KIF18B: variants seen among roughly 807,000 people sequenced by gnomAD.
KIF18B encodes the protein kinesin-like protein KIF18B.
KIF18B carries 49 observed loss-of-function variants against 80.9 expected under a neutral mutation model. The ratio of observed to expected loss-of-function variants is 0.61; its 90% CI spans 0.48 to 0.77. The LOEUF (loss-of-function observed/expected upper bound fraction) is 0.77. KIF18B is among the 30% of genes least tolerant of loss of function. KIF18B has a pLI of 0.00. For synonymous variants in KIF18B, 439 were observed against 463.9 expected (o/e 0.95, Z 0.69); for missense variants, 994 against 1,127.7 (o/e 0.88, Z 1.70).
At chr17:44,943,202 C>G (rs2052450811) in intron 1 of KIF18B, among the ~76,000 whole-genome samples, 2 of 152,074 alleles carry the variant, frequency 1.3e-5, no homozygotes, top group African/African-American at 2.4e-5. Context: ...TGGGTTCATG[C>G]CATTCTCCTG....
intron 7 of KIF18B, 73 bp downstream of exon 7, chr17:44,933,850 G>A (rs2052213284): frequency 1.4e-6 from 2 of 1,399,692 alleles, no homozygotes. Context: ...TATTGGAGCT[G>A]CCTGGGTCCC....
intron 9 of KIF18B, 162 bp downstream of exon 9, chr17:44,932,511 G>A (rs1034929048): frequency 1.6e-6 from 1 of 620,326 alleles, no homozygotes; most frequent in Non-Finnish European, 2.9e-6. Context: ...CAGCACTCTA[G>A]GTGACAGTCA....
At chr17:44,929,920 A>T (rs1376935754) in intron 11 of KIF18B, among the ~76,000 whole-genome samples, 1 of 152,220 alleles carries the variant, frequency 6.6e-6, no homozygotes, top group Non-Finnish European at 1.5e-5. Context: ...CTAATAAAGC[A>T]TATTTTCTTT....
chr17:44,936,407 C>G (rs1221583903), intron 1 of KIF18B, 49 bp from the exon 2 acceptor site: 8 of 1,508,828 alleles, frequency 5.3e-6, no homozygotes, highest in African/African-American at 2.8e-5. Context: ...CCAGGCCTGA[C>G]CAGGTGCCCC....
intron 11 of KIF18B, among the ~76,000 whole-genome samples, chr17:44,931,108 G>T (rs1386412097): frequency 1.3e-5 from 2 of 152,162 alleles, no homozygotes; most frequent in Admixed American, 6.5e-5. Context: ...TAGAAAGAAT[G>T]GTCCAAAATC....
chr17:44,928,451 T>G lies in KIF18B; in HGVS notation c.1851A>C (p.Pro617=). The G allele has an allele frequency of 6.5e-7, 1 of 1,536,564 alleles. No individual in the cohort carries two copies. The highest frequency in any genetic ancestry group is 8.7e-7 in the Non-Finnish European group (1 of 1,146,394). ...CCATGGGCCATCGGGACCCCTGGGC[T>G]GGGGTGCAGTTGGGTCCAGGCGGGA... ...LGIPPGPNCT[P]AQGSRWPMEK... The change falls in exon 13 of 16, where the codon CCA becomes CCC. Residue 617 remains proline, a synonymous_variant. Transcript: ENST00000593135.
Position 44,934,622 on chromosome 17 carries a change from AGAG to A in KIF18B, c.577-8_577-6del, listed in dbSNP as rs752872702. 7 of 1,596,164 alleles carry A rather than the reference AGAG, an allele frequency of 4.4e-6. No homozygotes were observed. The highest frequency in any genetic ancestry group is 2.3e-5 in the South Asian group (2 of 88,132). ...CAGCTGCTCGGCTGAGGCTGGCTAC[AGAG>A]GAGAAGCCCAGGAACGGGGCTGTGG... On this transcript the variant is annotated splice_region_variant and splice_polypyrimidine_tract_variant and intron_variant, in intron 4 of 15. Coordinates refer to ENST00000593135, the MANE Select transcript of KIF18B (RefSeq NM_001265577.2). The surrounding 1 kb of genome is among the most constrained non-coding windows in gnomAD (Gnocchi z 5.4).
At position 44,927,027 on chromosome 17, in the gene KIF18B, G is replaced by C. The variant is rs369308846; in HGVS notation, c.2328C>G (p.Leu776=). ...TMKGPKPTSS[L]PGTSACKKKR... ...TCTTCTTGCAGGCAGAGGTCCCAGGGAGGGAAGATGTTGGCTTGGGGCCCT... is the reference window on the plus strand; with the variant it reads ...TCTTCTTGCAGGCAGAGGTCCCAGGCAGGGAAGATGTTGGCTTGGGGCCCT... The change falls in exon 14 of 16, where the codon CTC becomes CTG. Residue 776 remains leucine (L), a synonymous_variant. Transcript: ENST00000593135. The surrounding 1 kb of genome is among the most constrained non-coding windows in gnomAD (Gnocchi z 4.1). 6.2e-7 allele frequency: 1 copy of C among 1,612,776 alleles called. No homozygotes were observed. Among genetic ancestry groups the C allele is most frequent in the African/African-American group, 1.3e-5 (1 of 74,918 alleles).
intron 1 of KIF18B, among the ~76,000 whole-genome samples, chr17:44,945,385 T>A (rs1043722309): frequency 2.0e-5 from 3 of 152,206 alleles, no homozygotes; most frequent in Non-Finnish European, 2.9e-5. Context: ...ATTCTACATA[T>A]GTTCTCTGCT....
At position 44,924,826 on chromosome 17, in the gene KIF18B, G is replaced by A. The variant is rs989467767; in HGVS notation, c.*1254C>T. On this transcript the variant is annotated 3_prime_UTR_variant, in exon 16 of 16. Coordinates refer to ENST00000593135, the MANE Select transcript of KIF18B (RefSeq NM_001265577.2). ...AAGTATCATTAGCATTTATATCTAG[G>A]TGCAGCATTAAGCCTGAATTCCCCT... 3 of 151,420 alleles carry A rather than the reference G, an allele frequency of 2.0e-5. No individual in the cohort carries two copies. The highest frequency in any genetic ancestry group is 1.9e-4 in the East Asian group (1 of 5,190). The allele number at this position is 151,420 out of a possible 1,614,324, so 9.4% of individuals were successfully genotyped here. A position where few individuals can be genotyped will look rare whatever the true frequency, so the allele number is the denominator to read the frequency against.
Position 44,928,879 on chromosome 17 carries a change from A to G in KIF18B, c.1663T>C (p.Leu555=). Residue 555 remains leucine (L), a synonymous_variant, in exon 12 of 16, where the codon TTG becomes CTG. Transcript: ENST00000593135. ...EEKIEPGAEA[L]RTSGLARGAP... The stretch of plus-strand genomic sequence containing the variant: ...CCCCTGGCCAGGCCTGAAGTCCTCA[A>G]GGCCTCTGCCCCAGGCTCAATTTTT... 1 of 1,613,936 alleles carries G rather than the reference A, an allele frequency of 6.2e-7. No homozygotes were observed. The highest frequency in any genetic ancestry group is 8.5e-7 in the Non-Finnish European group (1 of 1,179,850).
At chr17:44,944,821 T>C (rs986294607) in intron 1 of KIF18B, among the ~76,000 whole-genome samples, 8 of 152,190 alleles carry the variant, frequency 5.3e-5, no homozygotes, top group African/African-American at 1.9e-4. Context: ...AAGTTGTTTT[T>C]TCCTAGAAAA....
In KIF18B at chr17:44,926,153, C is replaced by A; in HGVS notation, c.2486G>T (p.Arg829Leu). 1.9e-6 allele frequency: 3 copies of A among 1,613,868 alleles called. No individual in the cohort carries two copies. Among genetic ancestry groups the A allele is most frequent in the South Asian group, 2.2e-5 (2 of 91,078 alleles). The change falls in exon 16 of 16, where the codon CGG becomes CTG. Residue 829 changes from arginine to leucine, a missense_variant. Physicochemically the swap from Arg to Leu is moderately radical, Grantham distance 102. Coordinates refer to ENST00000593135, the MANE Select transcript of KIF18B (RefSeq NM_001265577.2). ...CCTGATGAGGTCCTTTCCATTCCTC[C>A]GGTTGCTAGGGCACAGGGGACTCAA... Reference protein sequence around the residue: ...LPLSPLCPSNRRNGKDLIRVG... With the variant: ...LPLSPLCPSNLRNGKDLIRVG...
At chr17:44,930,754 G>T (rs1189698040) in intron 11 of KIF18B, among the ~76,000 whole-genome samples, 1 of 152,148 alleles carries the variant, frequency 6.6e-6, no homozygotes, top group Non-Finnish European at 1.5e-5. Context: ...GAGGGGCCCT[G>T]GGTCATCGGT....
chr17:44,930,109 C>A (rs1255742512), intron 11 of KIF18B, among the ~76,000 whole-genome samples: 1 of 151,944 alleles, frequency 6.6e-6, no homozygotes, highest in Non-Finnish European at 1.5e-5. Context: ...AGCCTCAAGG[C>A]CTTTTTGAAA....
At position 44,926,089 on chromosome 17, in the gene KIF18B, C is replaced by A. The variant is rs1293334277; in HGVS notation, c.2550G>T (p.Lys850Asn). The change falls in exon 16 of 16, where the codon AAG (lysine) becomes AAT (asparagine). Residue 850 changes from lysine to asparagine, a missense_variant. Physicochemically the swap from Lys to Asn is moderately conservative, Grantham distance 94 (BLOSUM62 0). Coordinates refer to ENST00000593135, the MANE Select transcript of KIF18B (RefSeq NM_001265577.2). ...RALSAGNGVT[K>N]VS ...CAGGACATTCTGGCGGTCAGGACAC[C>A]TTGGTGACGCCGTTCCCTGCTGAGA... 1 of 1,613,786 alleles carries A rather than the reference C, an allele frequency of 6.2e-7. No individual in the cohort carries two copies. Among genetic ancestry groups the A allele is most frequent in the African/African-American group, 1.3e-5 (1 of 74,890 alleles).
Position 44,927,114 on chromosome 17 carries a change from A to C in KIF18B, c.2277-36T>G. The C allele has an allele frequency of 6.6e-7, 1 of 1,525,762 alleles. No homozygotes were observed. Among genetic ancestry groups the C allele is most frequent in the African/African-American group, 1.4e-5 (1 of 73,270 alleles). The allele number at this position is 1,525,762 out of a possible 1,614,324, so 94.5% of individuals were successfully genotyped here. ...AGGACAGGGAAGGAGGCTGATCAGC[A>C]GGGAACCGGAAGCAAGGCCAGCCAC... On this transcript the variant is annotated intron_variant, in intron 13 of 15. Transcript: ENST00000593135. This position sits in a 1 kb window ranked among gnomAD's most constrained non-coding sequence, Gnocchi z 4.1.
rs1181339046 is a variant in KIF18B, at chr17:44,936,208, T to A, written c.137A>T (p.Asp46Val). The A allele has an allele frequency of 1.2e-6, 2 of 1,611,250 alleles. No homozygotes were observed. Among genetic ancestry groups the A allele is most frequent in the African/African-American group, 2.7e-5 (2 of 74,862 alleles). The change falls in exon 2 of 16, where the codon GAT becomes GTT. Residue 46 changes from aspartate to valine, a missense_variant. By Grantham distance (152) the Asp-to-Val change is radical (BLOSUM62 -3). Transcript: ENST00000593135. ...CCATTTCAGGCCAGGGAACCCTCCATCGGGCTCCTCAGGGTTAAACACCAG... is the reference window on the plus strand; with the variant it reads ...CCATTTCAGGCCAGGGAACCCTCCAACGGGCTCCTCAGGGTTAAACACCAG... ...RVLVFNPEEP[D>V]GGFPGLKWGG...
In KIF18B at chr17:44,928,204, G is replaced by T. The variant is rs750361278; in HGVS notation, c.2098C>A (p.Pro700Thr). The change falls in exon 13 of 16, where the codon CCC becomes ACC. Residue 700 changes from proline to threonine, a missense_variant. Pro to Thr is a conservative substitution (Grantham distance 38). Coordinates refer to ENST00000593135, the MANE Select transcript of KIF18B (RefSeq NM_001265577.2). ...CPATVIKSRV[P>T]LGPSAMQNCS... The stretch of plus-strand genomic sequence containing the variant: ...TTCTGCATGGCGGAAGGGCCCAGGG[G>T]CACCCGGCTTTTGATGACTGTGGCT... 1.9e-6 allele frequency: 3 copies of T among 1,612,572 alleles called. No homozygotes were observed. In the African/African-American group the frequency reaches 4.0e-5, roughly 22 times the overall value.
Sources: allele counts gnomAD v4.1 joint callset (sites outside exome capture counted in the v4.1 genomes callset), GRCh38; gene constraint gnomAD v4.1.1; non-coding constraint Gnocchi (gnomAD v3.1); transcripts MANE v1.5; gene names NCBI Gene and HGNC (gene_info 2026-07-23, HGNC 2026-07-21).